STPG2: variants seen among roughly 807,000 people sequenced by gnomAD.
STPG2 encodes the protein sperm-tail PG-rich repeat-containing protein 2.
In STPG2, 56 loss-of-function variants were observed where a neutral mutation model predicts 54.2. The ratio of observed to expected loss-of-function variants is 1.03; its 90% CI spans 0.83 to 1.29. The LOEUF (loss-of-function observed/expected upper bound fraction) is 1.29. Among genes scored for constraint, STPG2 ranks in the 50% most tolerant of loss-of-function variants. The probability of loss-of-function intolerance (pLI) is 0.00; values close to 1 mark genes in which losing one functional copy is unlikely to be tolerated. For missense variants in STPG2, 596 were observed against 544.9 expected (o/e 1.09, Z -0.93); for synonymous variants, 200 against 181.8 (o/e 1.10, Z -0.81).
chr4:97,793,626 A>G (rs899671375), intron 9 of STPG2, among the ~76,000 whole-genome samples: 5 of 151,968 alleles, frequency 3.3e-5, no homozygotes, highest in African/African-American at 1.2e-4. Flanking sequence ...TCTGAATGCA[A>G]AAAGAAACAA....
chr4:97,767,968 T>A (rs1276528796), intron 9 of STPG2, among the ~76,000 whole-genome samples: 7 of 151,928 alleles, frequency 4.6e-5, no homozygotes, highest in South Asian at 2.1e-4. Context: ...GAGATTGAGG[T>A]CATCCTGGCC....
intron 5 of STPG2, 132 bp downstream of exon 5, chr4:98,105,821 C>A: frequency 1.3e-6 from 1 of 757,088 alleles, no homozygotes; most frequent in Non-Finnish European, 1.9e-6. Flanking sequence ...TAAATACTTC[C>A]TTCTACAATA....
intron 8 of STPG2, among the ~76,000 whole-genome samples, chr4:97,918,339 TAC>T (rs1263072794): frequency 1.3e-5 from 2 of 152,108 alleles, no homozygotes; most frequent in African/African-American, 4.8e-5. Flanking sequence ...ATTGTAACAA[TAC>T]AGAGAAAGCC....
At chr4:98,023,697 T>C (rs10017530) in intron 5 of STPG2, among the ~76,000 whole-genome samples, 59,843 of 151,940 alleles carry the variant, frequency 0.39, 12,021 homozygotes, top group Middle Eastern at 0.47. Context: ...TCGAGCTTTC[T>C]GGCTGCTTTG....
intron 10 of STPG2, among the ~76,000 whole-genome samples, chr4:97,631,817 C>A (rs1410546998): frequency 6.6e-6 from 1 of 152,068 alleles, no homozygotes; most frequent in Non-Finnish European, 1.5e-5. Flanking sequence ...TAACCTGTGA[C>A]ATTTTTGACA....
intron 8 of STPG2, among the ~76,000 whole-genome samples, chr4:97,863,452 T>C (rs1729638673): frequency 6.6e-6 from 1 of 152,152 alleles, no homozygotes. Context: ...GATGCAATAA[T>C]TAATAGCTTA....
At chr4:97,782,753 G>C (rs996507161) in intron 9 of STPG2, among the ~76,000 whole-genome samples, 9 of 152,126 alleles carry the variant, frequency 5.9e-5, no homozygotes, top group South Asian at 4.1e-4. Context: ...TGGAACAGAA[G>C]AGAGCCATCA....
chr4:97,968,440 G>A (rs1734197786), intron 7 of STPG2, among the ~76,000 whole-genome samples: 1 of 152,176 alleles, frequency 6.6e-6, no homozygotes, highest in South Asian at 2.1e-4. Context: ...ATTTTATGAG[G>A]CCAGCATCAT....
chr4:97,850,851 C>CAAGA (rs1283802879), intron 8 of STPG2, among the ~76,000 whole-genome samples: 1 of 151,948 alleles, frequency 6.6e-6, no homozygotes, highest in African/African-American at 2.4e-5. Context: ...GTTCTGTTAG[C>CAAGA]AAGAAAGAAA....
chr4:97,731,036 G>A (rs942201042), intron 9 of STPG2, among the ~76,000 whole-genome samples: 1 of 152,096 alleles, frequency 6.6e-6, no homozygotes, highest in Admixed American at 6.5e-5. Context: ...ACCATTGCTG[G>A]GAGCCAGTGT....
At chr4:97,828,754 T>G (rs1243231928) in intron 9 of STPG2, among the ~76,000 whole-genome samples, 1 of 152,110 alleles carries the variant, frequency 6.6e-6, no homozygotes, top group Admixed American at 6.5e-5. Context: ...AGTTTTATCC[T>G]CACAGTGTAA....
At chr4:97,635,458 T>C (rs60756455) in intron 10 of STPG2, among the ~76,000 whole-genome samples, 19,994 of 151,980 alleles carry the variant, frequency 0.13, 4,039 homozygotes, top group African/African-American at 0.44. Flanking sequence ...CCAGCTAACA[T>C]CATAATGACA....
intron 8 of STPG2, chr4:97,917,114 T>C (rs1206590455): frequency 6.5e-6 from 1 of 152,776 alleles, no homozygotes; most frequent in East Asian, 1.9e-4. Flanking sequence ...CATCTGTGTC[T>C]GTCTCCAATC....
chr4:97,679,456 C>T (rs987571404), intron 10 of STPG2, among the ~76,000 whole-genome samples: 9 of 151,866 alleles, frequency 5.9e-5, no homozygotes, highest in Non-Finnish European at 1.0e-4. Flanking sequence ...GTCCTTTGCC[C>T]ACTTTTTGAT....
At chr4:97,639,730 GA>G (rs770831870) in intron 10 of STPG2, among the ~76,000 whole-genome samples, 4 of 151,742 alleles carry the variant, frequency 2.6e-5, no homozygotes, top group Non-Finnish European at 5.9e-5. Flanking sequence ...GCGAATTTGG[GA>G]AAACATGCGT....
intron 5 of STPG2, among the ~76,000 whole-genome samples, chr4:98,061,252 G>T (rs1471389009): frequency 6.6e-6 from 1 of 152,038 alleles, no homozygotes; most frequent in Non-Finnish European, 1.5e-5. Flanking sequence ...CCTGAGACTG[G>T]GTAATTTATG....
At chr4:97,985,946 A>G (rs573382705) in intron 5 of STPG2, among the ~76,000 whole-genome samples, 1 of 136,556 alleles carries the variant, frequency 7.3e-6, no homozygotes, top group East Asian at 2.2e-4. Context: ...GTGAGCGCAC[A>G]CAAACACACA....
chr4:97,872,983 T>A lies in STPG2; in HGVS notation c.1045-32051A>T, dbSNP rs137950396. Among the ~76,000 whole-genome samples the A allele has an allele frequency of 4.2e-3, 636 of 151,470 alleles. 3 individuals are homozygous for A. Among genetic ancestry groups the A allele is most frequent in the South Asian group, 0.024 (117 of 4,828 alleles). On this transcript the variant is annotated intron_variant, in intron 8 of 10. Coordinates refer to ENST00000295268, the MANE Select transcript of STPG2 (RefSeq NM_174952.3). ...TCTCTGGAAACTTTTAAGTTATGAA[T>A]AGATTTCAGAACTCCAAGTCTAAGA... is the stretch of plus-strand genomic sequence containing the variant.
In STPG2 at chr4:98,128,482, A is replaced by G; in HGVS notation, c.333T>C (p.Cys111=). The change falls in exon 3 of 11, where the codon TGT becomes TGC. Residue 111 remains cysteine, a synonymous_variant. Transcript: ENST00000295268. ...GTGTACTGTCACAAGCAGGTGGAAAACATTTTATAATACTGCCATCATCAT... is the reference window on the plus strand; with the variant it reads ...GTGTACTGTCACAAGCAGGTGGAAAGCATTTTATAATACTGCCATCATCAT... ...HINDDGSIIK[C]FPPACDSTLG... is the part of the protein sequence containing the mutation. 1 of 1,613,574 alleles carries G rather than the reference A, an allele frequency of 6.2e-7. No homozygotes were observed.
Sources: gnomAD v4.1 joint callset for allele counts (sites outside exome capture counted in the v4.1 genomes callset) on GRCh38, gnomAD v4.1.1 for gene constraint, MANE v1.5 for transcripts, NCBI Gene and HGNC (gene_info 2026-07-23, HGNC 2026-07-21) for gene names.